SCHIP1: variants seen among roughly 807,000 people sequenced by gnomAD.
The protein encoded by SCHIP1 is schwannomin-interacting protein 1.
A neutral mutation model predicts 29.7 loss-of-function variants in SCHIP1; 8 were observed. The ratio of observed to expected loss-of-function variants is 0.27; its 90% CI spans 0.16 to 0.49. The LOEUF (loss-of-function observed/expected upper bound fraction) is 0.49, where lower values mean the gene tolerates loss of function less well. Among genes scored for constraint, SCHIP1 ranks in the 20% least tolerant of loss-of-function variants. SCHIP1 has a pLI of 0.99. For missense variants in SCHIP1, 193 were observed against 294.6 expected (o/e 0.66, Z 2.52); for synonymous variants, 76 against 94.9 (o/e 0.80, Z 1.16).
chr3:159,629,522 C>T, the SCHIP1 span, among the ~76,000 whole-genome samples: 1 of 152,140 alleles, frequency 6.6e-6, no homozygotes, highest in Non-Finnish European at 1.5e-5. Context: ...TATCAACAGG[C>T]CTGGCAGTTG....
At chr3:159,434,375 A>T in the SCHIP1 span, among the ~76,000 whole-genome samples, 2 of 152,144 alleles carry the variant, frequency 1.3e-5, no homozygotes, top group Non-Finnish European at 2.9e-5. Flanking sequence ...GACAGCAGAT[A>T]GCAGAAAACC....
chr3:159,634,301 T>C, the SCHIP1 span, among the ~76,000 whole-genome samples: 1 of 152,150 alleles, frequency 6.6e-6, no homozygotes, highest in Non-Finnish European at 1.5e-5. Flanking sequence ...TTAGTTTACT[T>C]TTAGTAATGT....
the SCHIP1 span, among the ~76,000 whole-genome samples, chr3:159,749,546 C>T: frequency 1.3e-5 from 2 of 152,076 alleles, no homozygotes; most frequent in Non-Finnish European, 2.9e-5. Context: ...TGCACTAGGT[C>T]GCGCTTTAGG....
At chr3:159,749,682 A>G in the SCHIP1 span, among the ~76,000 whole-genome samples, 1 of 152,236 alleles carries the variant, frequency 6.6e-6, no homozygotes, top group Non-Finnish European at 1.5e-5. Flanking sequence ...GTCACAAGTC[A>G]TAGAGGCTCC....
At chr3:159,633,434 G>GC in the SCHIP1 span, among the ~76,000 whole-genome samples, 1 of 152,204 alleles carries the variant, frequency 6.6e-6, no homozygotes, top group South Asian at 2.1e-4. Flanking sequence ...GAGAGAAAGG[G>GC]CCCCACCCAC....
At chr3:159,787,133 A>G in the SCHIP1 span, among the ~76,000 whole-genome samples, 3 of 152,210 alleles carry the variant, frequency 2.0e-5, no homozygotes, top group African/African-American at 7.2e-5. Flanking sequence ...ATTAAAACCT[A>G]GGAAGATTTA....
At chr3:159,317,774 C>G in the SCHIP1 span, among the ~76,000 whole-genome samples, 1 of 152,190 alleles carries the variant, frequency 6.6e-6, no homozygotes, top group Non-Finnish European at 1.5e-5. Flanking sequence ...AATACTATGA[C>G]AGTGGACAAG....
the SCHIP1 span, among the ~76,000 whole-genome samples, chr3:159,426,360 C>T: frequency 0.17 from 25,530 of 151,884 alleles, 2,471 homozygotes; most frequent in South Asian, 0.37. Flanking sequence ...ATATCACCAC[C>T]GATCCCACAG....
chr3:159,528,702 C>T, the SCHIP1 span, among the ~76,000 whole-genome samples: 1 of 152,164 alleles, frequency 6.6e-6, no homozygotes, highest in Non-Finnish European at 1.5e-5. Context: ...CTGAGTCAAG[C>T]ACAAGGGTTT....
At chr3:159,310,569 G>A in the SCHIP1 span, among the ~76,000 whole-genome samples, 1 of 152,018 alleles carries the variant, frequency 6.6e-6, no homozygotes, top group African/African-American at 2.4e-5. Flanking sequence ...AGCCACAGAC[G>A]GTGGGTTATA....
chr3:159,551,572 T>C, the SCHIP1 span, among the ~76,000 whole-genome samples: 1 of 152,150 alleles, frequency 6.6e-6, no homozygotes. Context: ...GAAATAATAA[T>C]GAACTGTATA....
chr3:159,285,203 G>C, the SCHIP1 span, among the ~76,000 whole-genome samples: 1 of 152,048 alleles, frequency 6.6e-6, no homozygotes, highest in East Asian at 1.9e-4. Flanking sequence ...TACTTGAAAA[G>C]AGTTTCTGAT....
chr3:159,277,941 A>G, the SCHIP1 span, among the ~76,000 whole-genome samples: 1 of 151,980 alleles, frequency 6.6e-6, no homozygotes, highest in East Asian at 1.9e-4. Context: ...GGATGGAGCT[A>G]TTTTTCAACG....
the SCHIP1 span, among the ~76,000 whole-genome samples, chr3:159,743,094 T>C: frequency 2.0e-5 from 3 of 152,108 alleles, no homozygotes; most frequent in Non-Finnish European, 4.4e-5. Context: ...AAGCTAATAT[T>C]CTCCTGCCTT....
the SCHIP1 span, among the ~76,000 whole-genome samples, chr3:159,743,408 C>T: frequency 6.6e-6 from 1 of 152,148 alleles, no homozygotes; most frequent in African/African-American, 2.4e-5. Flanking sequence ...GAGGAATGAG[C>T]TATTGATACT....
chr3:159,461,115 G>C, the SCHIP1 span, among the ~76,000 whole-genome samples: 11 of 152,166 alleles, frequency 7.2e-5, no homozygotes, highest in Non-Finnish European at 8.8e-5. Flanking sequence ...TCAGCACTCT[G>C]CTGGGCACAT....
intron 1 of SCHIP1, among the ~76,000 whole-genome samples, chr3:159,865,585 G>A (rs1714534462): frequency 6.6e-6 from 1 of 152,188 alleles, no homozygotes; most frequent in Non-Finnish European, 1.5e-5. Context: ...GCTCTTGAAT[G>A]GAAACAACAG....
intron 1 of SCHIP1, among the ~76,000 whole-genome samples, chr3:159,864,393 C>G (rs1714381296): frequency 6.7e-6 from 1 of 149,934 alleles, no homozygotes; most frequent in African/African-American, 2.5e-5. Context: ...AAAATAAGAA[C>G]TATGAAAGCA....
chr3:159,680,681 A>T, the SCHIP1 span, among the ~76,000 whole-genome samples: 4,473 of 60,806 alleles, frequency 0.074, 468 homozygotes, highest in African/African-American at 0.15. Flanking sequence ...TATATATATA[A>T]TATATGTATA....
Sources: gnomAD v4.1 joint callset for allele counts (sites outside exome capture counted in the v4.1 genomes callset) on GRCh38, gnomAD v4.1.1 for gene constraint, MANE v1.5 for transcripts, NCBI Gene and HGNC (gene_info 2026-07-23, HGNC 2026-07-21) for gene names.